The following KBTBD13 variants were observed in gnomAD, a reference collection of about 807,000 sequenced individuals.
KBTBD13 encodes the protein kelch repeat and BTB domain-containing protein 13.
In KBTBD13, 32 loss-of-function variants were observed where a neutral mutation model predicts 25.4. The ratio of observed to expected loss-of-function variants is 1.26; its 90% CI spans 0.95 to 1.69. KBTBD13 has a LOEUF of 1.69. KBTBD13 is among the 40% of genes most tolerant of loss of function. KBTBD13 has a pLI of 0.00. For synonymous variants in KBTBD13, 436 were observed against 329.8 expected, an observed-to-expected ratio of 1.32 and a Z score of -3.49; for missense variants, 898 against 679.5, an observed-to-expected ratio of 1.32 and a Z score of -3.57.
rs1156472869 is a variant in KBTBD13, at chr15:65,078,673, C to T, written c.*481C>T. 6.6e-6 allele frequency among the ~76,000 whole-genome samples: 1 copy of T among 152,158 alleles called. No homozygotes were observed. Among genetic ancestry groups the T allele is most frequent in the East Asian group, 1.9e-4 (1 of 5,198 alleles). ...TTACAGGACAACAAAAAGGTTTACA[C>T]ACAACTTGATCCACAGAGTTGAAGG... On this transcript the variant is annotated 3_prime_UTR_variant, in exon 1 of 1. Coordinates refer to ENST00000432196, the MANE Select transcript of KBTBD13 (RefSeq NM_001101362.3).
Position 65,078,550 on chromosome 15 carries a change from A to T in KBTBD13, c.*358A>T, listed in dbSNP as rs1431415555. Among the ~76,000 whole-genome samples the T allele has an allele frequency of 6.6e-6, 1 of 152,218 alleles. No individual in the cohort carries two copies. The highest frequency in any genetic ancestry group is 6.5e-5 in the Admixed American group (1 of 15,282). ...AGTAGTAGGCAAGAATTAGGCACCT[A>T]CTGTATGCCCAATACAGTGTTATGC... On this transcript the variant is annotated 3_prime_UTR_variant, in exon 1 of 1. Transcript: ENST00000432196.
chr15:65,077,691 G>C lies in KBTBD13; in HGVS notation c.876G>C (p.Pro292=), dbSNP rs543905658. ...GCTGGAGTTTCGTGGCCGACCTGCC[G>C]CAGCCGGCCGCCGGCGTGCCCTGCG... The part of the protein sequence containing the change: ...AGCWSFVADL[P]QPAAGVPCAQ... The change falls in exon 1 of 1, where the codon CCG becomes CCC. Residue 292 remains proline (P), a synonymous_variant. Transcript: ENST00000432196. 6.3e-7 allele frequency: 1 copy of C among 1,577,344 alleles called. No homozygotes were observed. The highest frequency in any genetic ancestry group is 8.6e-7 in the Non-Finnish European group (1 of 1,167,310).
chr15:65,077,243 C>G lies in KBTBD13; in HGVS notation c.428C>G (p.Pro143Arg). The G allele has an allele frequency of 7.0e-7, 1 of 1,426,936 alleles. No homozygotes were observed. The highest frequency in any genetic ancestry group is 9.1e-7 in the Non-Finnish European group (1 of 1,093,352). The allele number at this position is 1,426,936 out of a possible 1,614,324, so 88.4% of individuals were successfully genotyped here. Residue 143 changes from proline (P) to arginine (R), a missense_variant, in exon 1 of 1, where the codon CCT (proline) becomes CGT (arginine). Coordinates refer to ENST00000432196, the MANE Select transcript of KBTBD13 (RefSeq NM_001101362.3). Reference sequence around the variant, plus strand: ...GAGCTGGCGGCCGAACTGGCGCTGCCTGAGGCCCGCGCCTACGTGGCGGCC... The same window carrying G: ...GAGCTGGCGGCCGAACTGGCGCTGCGTGAGGCCCGCGCCTACGTGGCGGCC... Reference protein sequence around the residue: ...ERELAAELALPEARAYVAALR... With the variant: ...ERELAAELALREARAYVAALR...
chr15:65,077,647 T>C lies in KBTBD13; in HGVS notation c.832T>C (p.Tyr278His). The change falls in exon 1 of 1, where the codon TAC becomes CAC. Residue 278 changes from tyrosine (Y) to histidine (H), a missense_variant. Coordinates refer to ENST00000432196, the MANE Select transcript of KBTBD13 (RefSeq NM_001101362.3). ...GACGCCCATCAGCTCCGTGGAGCGCTACGACCCAGCCGCGGGCTGCTGGAG... is the reference window on the plus strand; with the variant it reads ...GACGCCCATCAGCTCCGTGGAGCGCCACGACCCAGCCGCGGGCTGCTGGAG... ...QRTPISSVER[Y>H]DPAAGCWSFV... 1 of 1,590,774 alleles carries C rather than the reference T, an allele frequency of 6.3e-7. No individual in the cohort carries two copies. The highest frequency in any genetic ancestry group is 8.5e-7 in the Non-Finnish European group (1 of 1,174,240).
In KBTBD13 at chr15:65,077,198, T is replaced by G; in HGVS notation, c.383T>G (p.Phe128Cys). 1 of 1,459,602 alleles carries G rather than the reference T, an allele frequency of 6.9e-7. No homozygotes were observed. Among genetic ancestry groups the G allele is most frequent in the Non-Finnish European group, 9.0e-7 (1 of 1,107,848 alleles). The allele number at this position is 1,459,602 out of a possible 1,614,324, so 90.4% of individuals were successfully genotyped here. Reference protein sequence around the residue: ...LRDVFHSAALFICDGERELAA... With the variant: ...LRDVFHSAALCICDGERELAA... ...GACGTGTTCCACAGTGCCGCGCTCT[T>G]CATCTGCGACGGCGAGCGCGAGCTG... Residue 128 changes from phenylalanine to cysteine, a missense_variant, in exon 1 of 1, where the codon TTC becomes TGC. Phe to Cys is a radical substitution (Grantham distance 205, BLOSUM62 -2). Coordinates refer to ENST00000432196, the MANE Select transcript of KBTBD13 (RefSeq NM_001101362.3).
In KBTBD13 at chr15:65,077,034, G is replaced by C. The variant is rs868363260; in HGVS notation, c.219G>C (p.Ala73=). 2.7e-6 allele frequency: 4 copies of C among 1,498,150 alleles called. No individual in the cohort carries two copies. Among genetic ancestry groups the C allele is most frequent in the Non-Finnish European group, 3.6e-6 (4 of 1,126,622 alleles). The allele number at this position is 1,498,150 out of a possible 1,614,324, so 92.8% of individuals were successfully genotyped here. The change falls in exon 1 of 1, where the codon GCG becomes GCC. Residue 73 remains alanine (A), a synonymous_variant. Transcript: ENST00000432196. The part of the protein sequence containing the change: ...QVLRGDRPAL[A]AEDELLQAVE... ...TGCGCGGCGACCGGCCGGCGCTGGCGGCGGAGGACGAGCTGCTGCAGGCCG... is the reference window on the plus strand; with the variant it reads ...TGCGCGGCGACCGGCCGGCGCTGGCCGCGGAGGACGAGCTGCTGCAGGCCG...
Position 65,077,808 on chromosome 15 carries a change from G to T in KBTBD13, c.993G>T (p.Leu331=). The T allele has an allele frequency of 6.2e-7, 1 of 1,600,876 alleles. No homozygotes were observed. Among genetic ancestry groups the T allele is most frequent in the Non-Finnish European group, 8.5e-7 (1 of 1,177,166 alleles). ...ACGCAGTGCGGACCGACGCGTGGCT[G>T]CCAGTGGCCGAGCTGCGGCGTCCGC... ...VEYAVRTDAW[L]PVAELRRPQS... The change falls in exon 1 of 1, where the codon CTG becomes CTT. Residue 331 remains leucine (L), a synonymous_variant. Coordinates refer to ENST00000432196, the MANE Select transcript of KBTBD13 (RefSeq NM_001101362.3).
chr15:65,077,262 G>A lies in KBTBD13; in HGVS notation c.447G>A (p.Val149=), dbSNP rs1415348723. The A allele has an allele frequency of 1.4e-6, 2 of 1,403,556 alleles. No homozygotes were observed. Among genetic ancestry groups the A allele is most frequent in the Non-Finnish European group, 1.8e-6 (2 of 1,084,604 alleles). The allele number at this position is 1,403,556 out of a possible 1,614,324, so 86.9% of individuals were successfully genotyped here. The change falls in exon 1 of 1, where the codon GTG becomes GTA. Residue 149 remains valine, a synonymous_variant. Transcript: ENST00000432196. ...CGCTGCCTGAGGCCCGCGCCTACGT[G>A]GCGGCCCTGCGGCCCAGCAGCTACG... ...ELALPEARAY[V]AALRPSSYAA...
rs754708028 is a variant in KBTBD13, at chr15:65,077,644, C to G, written c.829C>G (p.Arg277Gly). 2 of 1,589,900 alleles carry G rather than the reference C, an allele frequency of 1.3e-6. No homozygotes were observed. The highest frequency in any genetic ancestry group is 1.7e-6 in the Non-Finnish European group (2 of 1,173,958). Residue 277 changes from arginine to glycine, a missense_variant, in exon 1 of 1, where the codon CGC becomes GGC. By Grantham distance (125) the Arg-to-Gly change is moderately radical (BLOSUM62 -2). Coordinates refer to ENST00000432196, the MANE Select transcript of KBTBD13 (RefSeq NM_001101362.3). ...FQRTPISSVE[R>G]YDPAAGCWSF... ...GAGGACGCCCATCAGCTCCGTGGAG[C>G]GCTACGACCCAGCCGCGGGCTGCTG...
At position 65,078,032 on chromosome 15, in the gene KBTBD13, T is replaced by C; in HGVS notation, c.1217T>C (p.Val406Ala). Reference protein sequence around the residue: ...AVVRGDTVYTVNRMFTLLYAI... With the variant: ...AVVRGDTVYTANRMFTLLYAI... Reference sequence around the variant, plus strand: ...GTGCGCGGTGACACCGTCTATACGGTCAACCGCATGTTCACGCTGCTCTAC... The same window carrying C: ...GTGCGCGGTGACACCGTCTATACGGCCAACCGCATGTTCACGCTGCTCTAC... Residue 406 changes from valine (V) to alanine (A), a missense_variant, in exon 1 of 1, where the codon GTC (valine) becomes GCC (alanine). Val to Ala is a moderately conservative substitution (Grantham distance 64). Coordinates refer to ENST00000432196, the MANE Select transcript of KBTBD13 (RefSeq NM_001101362.3). 1 of 1,604,004 alleles carries C rather than the reference T, an allele frequency of 6.2e-7. No individual in the cohort carries two copies.
In KBTBD13 at chr15:65,077,503, T is replaced by C. The variant is rs2086992991; in HGVS notation, c.688T>C (p.Cys230Arg). Residue 230 changes from cysteine (C) to arginine (R), a missense_variant, in exon 1 of 1, where the codon TGC (cysteine) becomes CGC (arginine). By Grantham distance (180) the Cys-to-Arg change is radical. Coordinates refer to ENST00000432196, the MANE Select transcript of KBTBD13 (RefSeq NM_001101362.3). The part of the protein sequence containing the change: ...ASKEVVELGF[C>R]YDPDGGTWHE... ...CAAGGAGGTGGTAGAGCTGGGCTTCTGCTACGACCCCGACGGCGGCACGTG... is the reference window on the plus strand; with the variant it reads ...CAAGGAGGTGGTAGAGCTGGGCTTCCGCTACGACCCCGACGGCGGCACGTG... The C allele has an allele frequency of 4.6e-6, 7 of 1,523,798 alleles. No homozygotes were observed. Among genetic ancestry groups the C allele is most frequent in the Non-Finnish European group, 6.2e-6 (7 of 1,136,874 alleles). The allele number at this position is 1,523,798 out of a possible 1,614,324, so 94.4% of individuals were successfully genotyped here. A position where few individuals can be genotyped will look rare whatever the true frequency, so the allele number is the denominator to read the frequency against.
At position 65,077,421 on chromosome 15, in the gene KBTBD13, C is replaced by T. The variant is rs752006739; in HGVS notation, c.606C>T (p.Ala202=). ...ALPLEASTLL[A]GVATLGNKLY... is the part of the protein sequence containing the mutation. ...CCCTGGAGGCCAGCACGTTGCTGGC[C>T]GGGGTGGCCACGCTGGGCAACAAGC... The change falls in exon 1 of 1, where the codon GCC becomes GCT. Residue 202 remains alanine, a synonymous_variant. Transcript: ENST00000432196. 8.5e-6 allele frequency: 13 copies of T among 1,527,756 alleles called. No homozygotes were observed. The highest frequency in any genetic ancestry group is 1.9e-4 in the Middle Eastern group (1 of 5,130). The allele number at this position is 1,527,756 out of a possible 1,614,324, so 94.6% of individuals were successfully genotyped here.
rs1420216569 is a variant in KBTBD13 at position 65,077,395 on chromosome 15, C to T, written c.580C>T (p.Pro194Ser). 5.3e-6 allele frequency: 8 copies of T among 1,521,822 alleles called. No individual in the cohort carries two copies. Among genetic ancestry groups the T allele is most frequent in the South Asian group, 4.8e-5 (4 of 83,438 alleles). 94.3% of individuals were successfully genotyped at this position (1,521,822 alleles called of 1,614,324 possible). A position where few individuals can be genotyped will look rare whatever the true frequency, so the allele number is the denominator to read the frequency against. Residue 194 changes from proline to serine, a missense_variant, in exon 1 of 1, where the codon CCC (proline) becomes TCC (serine). Transcript: ENST00000432196. ...CGCGTGGCGCACGCTGGCTGCGCTG[C>T]CCCTGGAGGCCAGCACGTTGCTGGC... ...EDAWRTLAALPLEASTLLAGV... is the reference protein window; with the variant it reads ...EDAWRTLAALSLEASTLLAGV...
chr15:65,079,786 G>C lies in KBTBD13; in HGVS notation c.*1594G>C, dbSNP rs572874005. ...AATGCAGTGTCAGCATGACACCTCC[G>C]GGGCATGGAGGCTCGCGCCAGGGCT... is the stretch of plus-strand genomic sequence containing the variant. On this transcript the variant is annotated 3_prime_UTR_variant, in exon 1 of 1. Transcript: ENST00000432196. 6.6e-6 allele frequency among the ~76,000 whole-genome samples: 1 copy of C among 152,190 alleles called. No homozygotes were observed. Among genetic ancestry groups the C allele is most frequent in the Non-Finnish European group, 1.5e-5 (1 of 68,036 alleles).
Position 65,076,753 on chromosome 15 carries a change from C to G in KBTBD13, c.-63C>G. On this transcript the variant is annotated 5_prime_UTR_variant, in exon 1 of 1. Coordinates refer to ENST00000432196, the MANE Select transcript of KBTBD13 (RefSeq NM_001101362.3). ...AGGGAAGTTTTTTGCTCCAGGGGAG[C>G]CCCAGAGTTGGTGGCTGGCTAACCC... The G allele has an allele frequency of 1.4e-6, 2 of 1,439,280 alleles. No individual in the cohort carries two copies. The highest frequency in any genetic ancestry group is 1.8e-6 in the Non-Finnish European group (2 of 1,087,148). The allele number at this position is 1,439,280 out of a possible 1,614,324, so 89.2% of individuals were successfully genotyped here.
At position 65,076,898 on chromosome 15, in the gene KBTBD13, A is replaced by G. The variant is rs1403382995; in HGVS notation, c.83A>G (p.His28Arg). 31 of 1,565,630 alleles carry G rather than the reference A, an allele frequency of 2.0e-5. No individual in the cohort carries two copies. The highest frequency in any genetic ancestry group is 2.7e-5 in the Non-Finnish European group (31 of 1,163,374). The change falls in exon 1 of 1, where the codon CAC becomes CGC. Residue 28 changes from histidine (H) to arginine (R), a missense_variant. By Grantham distance (29) the His-to-Arg change is conservative (BLOSUM62 0). Transcript: ENST00000432196. ...GCCGACCGCGCCCTGCTGGTGGAGCACTGTGGCTTCTTCCGAGGCCTCTTC... is the reference window on the plus strand; with the variant it reads ...GCCGACCGCGCCCTGCTGGTGGAGCGCTGTGGCTTCTTCCGAGGCCTCTTC... ...FQADRALLVE[H>R]CGFFRGLFRS...
At position 65,077,371 on chromosome 15, in the gene KBTBD13, G is replaced by C; in HGVS notation, c.556G>C (p.Ala186Pro). ...GTGTTACCTGGACGAGGAAGAGGAC[G>C]CGTGGCGCACGCTGGCTGCGCTGCC... ...TLCYLDEEED[A>P]WRTLAALPLE... is the part of the protein sequence containing the mutation. Residue 186 changes from alanine to proline, a missense_variant, in exon 1 of 1, where the codon GCG becomes CCG. Physicochemically the swap from Ala to Pro is conservative, Grantham distance 27. Transcript: ENST00000432196. 3.3e-6 allele frequency: 5 copies of C among 1,509,918 alleles called. No homozygotes were observed. The highest frequency in any genetic ancestry group is 4.4e-6 in the Non-Finnish European group (5 of 1,130,472). The allele number at this position is 1,509,918 out of a possible 1,614,324, so 93.5% of individuals were successfully genotyped here.
chr15:65,077,792 G>A lies in KBTBD13; in HGVS notation c.977G>A (p.Arg326Gln), dbSNP rs779729198. ...ACCGCCGTGGTGGAGTACGCAGTGC[G>A]GACCGACGCGTGGCTGCCAGTGGCC... ...DTTAVVEYAVRTDAWLPVAEL... is the reference protein window; with the variant it reads ...DTTAVVEYAVQTDAWLPVAEL... Residue 326 changes from arginine to glutamine, a missense_variant, in exon 1 of 1, where the codon CGG (arginine) becomes CAG (glutamine). By Grantham distance (43) the Arg-to-Gln change is conservative. Transcript: ENST00000432196. The A allele has an allele frequency of 3.3e-5, 53 of 1,591,908 alleles. No individual in the cohort carries two copies. In the African/African-American group the frequency reaches 5.9e-4, roughly 18 times the overall value.
Position 65,076,925 on chromosome 15 carries a change from G to C in KBTBD13, c.110G>C (p.Arg37Pro). ...EHCGFFRGLF[R>P]SGMRETRAAE... ...TGTGGCTTCTTCCGAGGCCTCTTCC[G>C]CTCCGGCATGCGGGAGACCCGCGCA... is the stretch of plus-strand genomic sequence containing the variant. The change falls in exon 1 of 1, where the codon CGC (arginine) becomes CCC (proline). Residue 37 changes from arginine to proline, a missense_variant. Arg to Pro is a moderately radical substitution (Grantham distance 103, BLOSUM62 -2). Transcript: ENST00000432196. 1 of 1,558,140 alleles carries C rather than the reference G, an allele frequency of 6.4e-7. No homozygotes were observed. Among genetic ancestry groups the C allele is most frequent in the Non-Finnish European group, 8.6e-7 (1 of 1,159,574 alleles).
Sources: gnomAD v4.1 joint callset for allele counts (sites outside exome capture counted in the v4.1 genomes callset) on GRCh38, gnomAD v4.1.1 for gene constraint, MANE v1.5 for transcripts, NCBI Gene and HGNC (gene_info 2026-07-23, HGNC 2026-07-21) for gene names.